Variants in TNFRSF1B observed in about 807,000 individuals in gnomAD.
The protein encoded by TNFRSF1B is tumor necrosis factor receptor superfamily member 1B.
In TNFRSF1B, 19 loss-of-function variants were observed where a neutral mutation model predicts 44.6. That is an observed-to-expected ratio of 0.43 (90% confidence interval 0.30 to 0.62). TNFRSF1B has a LOEUF of 0.62. TNFRSF1B is among the 20% of genes least tolerant of loss of function. TNFRSF1B has a pLI of 0.16. For missense variants in TNFRSF1B, 541 were observed against 619.9 expected, an observed-to-expected ratio of 0.87 and a Z score of 1.35; for synonymous variants, 252 against 261.1, an observed-to-expected ratio of 0.97 and a Z score of 0.34.
chr1:12,183,788 ACC>A (rs1638906056), intron 1 of TNFRSF1B, among the ~76,000 whole-genome samples: 4 of 136,882 alleles, frequency 2.9e-5, no homozygotes, highest in Non-Finnish European at 3.3e-5. Flanking sequence ...CTATCTACCT[ACC>A]TATCTATCTA....
chr1:12,200,528 A>G (rs887353597), intron 8 of TNFRSF1B, among the ~76,000 whole-genome samples: 3 of 152,174 alleles, frequency 2.0e-5, no homozygotes, highest in African/African-American at 7.2e-5. Context: ...AGCTACATGC[A>G]TAGACAGCAC....
chr1:12,174,926 G>T (rs12090385), intron 1 of TNFRSF1B, among the ~76,000 whole-genome samples: 1 of 152,218 alleles, frequency 6.6e-6, no homozygotes, highest in Non-Finnish European at 1.5e-5. Flanking sequence ...CGGAGACAGC[G>T]CAGAAATCAC....
intron 1 of TNFRSF1B, among the ~76,000 whole-genome samples, chr1:12,182,172 T>C (rs1638826542): frequency 6.6e-6 from 1 of 152,148 alleles, no homozygotes; most frequent in African/African-American, 2.4e-5. Flanking sequence ...CATCTGTAAC[T>C]TGGGAATAAC....
In TNFRSF1B at chr1:12,187,235, C is replaced by T. The variant is rs914863150; in HGVS notation, c.79-1561C>T. On this transcript the variant is annotated intron_variant, in intron 1 of 9. Coordinates refer to ENST00000376259, the MANE Select transcript of TNFRSF1B (RefSeq NM_001066.3). The surrounding 1 kb of genome is among the most constrained non-coding windows in gnomAD (Gnocchi z 5.5). ...GTGGCATGATCTCAGCTCACTGCAA[C>T]CTCCTCCTCCCAGGTTCAGGGGATT... 1.8e-4 allele frequency among the ~76,000 whole-genome samples: 28 copies of T among 151,828 alleles called. No homozygotes were observed. The highest frequency in any genetic ancestry group is 4.0e-4 in the Non-Finnish European group (27 of 67,942).
chr1:12,182,401 T>C (rs6697733), intron 1 of TNFRSF1B, among the ~76,000 whole-genome samples: 33,208 of 152,142 alleles, frequency 0.22, 3,736 homozygotes, highest in South Asian at 0.26. Context: ...CCCCGCACCT[T>C]GTGTCACCCT....
At chr1:12,200,538 C>G (rs1339083970) in intron 8 of TNFRSF1B, among the ~76,000 whole-genome samples, 2 of 152,166 alleles carry the variant, frequency 1.3e-5, no homozygotes, top group African/African-American at 2.4e-5. Context: ...ATAGACAGCA[C>G]ACACCCAACT....
In TNFRSF1B at chr1:12,179,526, A is replaced by G. The variant is rs632656; in HGVS notation, c.79-9270A>G. On this transcript the variant is annotated intron_variant, in intron 1 of 9. Coordinates refer to ENST00000376259, the MANE Select transcript of TNFRSF1B (RefSeq NM_001066.3). ...TGGGGGTCCCTGGGTCCTTGGGCAG[A>G]TACCTCTGCCCCTCCCCACAGCTTT... is the stretch of plus-strand genomic sequence containing the variant. Among the ~76,000 whole-genome samples, 554 of 152,286 alleles carry G rather than the reference A, an allele frequency of 3.6e-3. 4 individuals carry two copies. The highest frequency in any genetic ancestry group is 0.012 in the African/African-American group (501 of 41,564).
chr1:12,197,559 T>G (rs1231850043), intron 8 of TNFRSF1B, among the ~76,000 whole-genome samples: 5 of 145,392 alleles, frequency 3.4e-5, no homozygotes, highest in Admixed American at 3.4e-4. Flanking sequence ...ATCACCCCCA[T>G]TTTACAGAGG....
chr1:12,168,707 TC>T lies in TNFRSF1B; in HGVS notation c.78+1540del, dbSNP rs1638451756. Among the ~76,000 whole-genome samples, 1 of 151,998 alleles carries T rather than the reference TC, an allele frequency of 6.6e-6. No homozygotes were observed. Among genetic ancestry groups the T allele is most frequent in the South Asian group, 2.1e-4 (1 of 4,820 alleles). ...CCACTTCCTTCCCTTCCTGACCAGC[TC>T]CTGCGGCAGCTCATATTCCCTCCTC... On this transcript the variant is annotated intron_variant, in intron 1 of 9. Transcript: ENST00000376259. This position sits in a 1 kb window ranked among gnomAD's most constrained non-coding sequence, Gnocchi z 4.7.
chr1:12,174,097 G>A (rs1638579828), intron 1 of TNFRSF1B, among the ~76,000 whole-genome samples: 1 of 151,076 alleles, frequency 6.6e-6, no homozygotes, highest in African/African-American at 2.4e-5. Flanking sequence ...GCTGTGACAA[G>A]CCACTCTGCA....
At chr1:12,200,113 G>A (rs570664715) in intron 8 of TNFRSF1B, among the ~76,000 whole-genome samples, 4 of 152,090 alleles carry the variant, frequency 2.6e-5, no homozygotes, top group Non-Finnish European at 4.4e-5. Flanking sequence ...TGTCCTAACC[G>A]TGACCTTGGG....
chr1:12,179,884 A>T (rs1233101052), intron 1 of TNFRSF1B, among the ~76,000 whole-genome samples: 1 of 152,186 alleles, frequency 6.6e-6, no homozygotes, highest in Non-Finnish European at 1.5e-5. Flanking sequence ...AGGTATATGA[A>T]CGTGCCCAGC....
intron 1 of TNFRSF1B, among the ~76,000 whole-genome samples, chr1:12,183,699 T>C (rs680537): frequency 2.1e-4 from 22 of 102,330 alleles, no homozygotes; most frequent in African/African-American, 7.1e-4. Flanking sequence ...TATCTATCTA[T>C]CTATCTATCT....
At chr1:12,196,505 G>A (rs972422285) in intron 8 of TNFRSF1B, among the ~76,000 whole-genome samples, 4 of 152,100 alleles carry the variant, frequency 2.6e-5, no homozygotes, top group African/African-American at 9.7e-5. Context: ...ACCACTGCTC[G>A]AGGGAACAGC....
chr1:12,174,932 A>G (rs1278594561), intron 1 of TNFRSF1B, among the ~76,000 whole-genome samples: 1 of 152,232 alleles, frequency 6.6e-6, no homozygotes, highest in African/African-American at 2.4e-5. Context: ...CAGCGCAGAA[A>G]TCACCAGGAG....
intron 1 of TNFRSF1B, among the ~76,000 whole-genome samples, chr1:12,185,501 C>T (rs971563456): frequency 1.3e-5 from 2 of 152,114 alleles, no homozygotes; most frequent in Non-Finnish European, 2.9e-5. Context: ...TGGGAGTCTG[C>T]TCCAGCAGCA....
intron 8 of TNFRSF1B, 94 bp from the exon 9 acceptor site, chr1:12,201,873 G>A: frequency 6.8e-7 from 1 of 1,463,648 alleles, no homozygotes. Context: ...AAGTGCTGAT[G>A]GCAGGAGGTG....
chr1:12,207,130 C>T lies in TNFRSF1B; in HGVS notation c.*110C>T. 1 of 1,239,772 alleles carries T rather than the reference C, an allele frequency of 8.1e-7. No homozygotes were observed. The highest frequency in any genetic ancestry group is 1.1e-6 in the Non-Finnish European group (1 of 926,850). 76.8% of individuals were successfully genotyped at this position (1,239,772 alleles called of 1,614,324 possible). On this transcript the variant is annotated 3_prime_UTR_variant, in exon 10 of 10. Coordinates refer to ENST00000376259, the MANE Select transcript of TNFRSF1B (RefSeq NM_001066.3). ...CCCCCACCACTAGGACTCTGAGGCT[C>T]TTTCTGGGCCAAGTTCCTCTAGTGC...
At chr1:12,172,908 G>A (rs899661039) in intron 1 of TNFRSF1B, among the ~76,000 whole-genome samples, 46 of 152,212 alleles carry the variant, frequency 3.0e-4, no homozygotes, top group African/African-American at 1.1e-3. Context: ...AGATGGGCAC[G>A]GGAAGATTCC....
Sources: allele counts gnomAD v4.1 joint callset (sites outside exome capture counted in the v4.1 genomes callset), GRCh38; gene constraint gnomAD v4.1.1; non-coding constraint Gnocchi (gnomAD v3.1); transcripts MANE v1.5; gene names NCBI Gene and HGNC (gene_info 2026-07-23, HGNC 2026-07-21).